Variants in CADPS2 observed in about 807,000 individuals in gnomAD.
CADPS2 encodes calcium dependent secretion activator 2.
In CADPS2, 93 loss-of-function variants were observed where a neutral mutation model predicts 172.5. The observed-to-expected ratio is 0.54, with a 90% CI of 0.46 to 0.64. CADPS2 has a LOEUF of 0.64. Among genes scored for constraint, CADPS2 ranks in the 30% least tolerant of loss-of-function variants. The pLI, the probability that CADPS2 is intolerant of heterozygous loss-of-function variation, is 0.00. For synonymous variants in CADPS2, 546 were observed against 555.2 expected, an observed-to-expected ratio of 0.98 and a Z score of 0.23; for missense variants, 1,420 against 1,565.9, an observed-to-expected ratio of 0.91 and a Z score of 1.57.
At chr7:122,882,938 T>A (rs1823328279) in intron 1 of CADPS2, among the ~76,000 whole-genome samples, 1 of 152,114 alleles carries the variant, frequency 6.6e-6, no homozygotes, top group African/African-American at 2.4e-5. Flanking sequence ...GTGTAGCACC[T>A]GGAAAGGCAC....
chr7:122,573,416 A>C (rs1253317978), intron 7 of CADPS2, among the ~76,000 whole-genome samples: 1 of 151,922 alleles, frequency 6.6e-6, no homozygotes, highest in Admixed American at 6.6e-5. Context: ...GGCATACAAC[A>C]GTAGTCCCAG....
intron 20 of CADPS2, among the ~76,000 whole-genome samples, chr7:122,402,999 G>A (rs2046157737): frequency 6.6e-6 from 1 of 152,172 alleles, no homozygotes; most frequent in Non-Finnish European, 1.5e-5. Context: ...GGTACTAAAA[G>A]AATAGAAGTT....
chr7:122,354,643 C>T (rs545835785), intron 27 of CADPS2, among the ~76,000 whole-genome samples: 91 of 152,088 alleles, frequency 6.0e-4, no homozygotes, highest in Middle Eastern at 3.4e-3. Context: ...TATTCCTATC[C>T]GCAAAGCTAA....
At chr7:122,625,403 A>G (rs940233538) in intron 4 of CADPS2, among the ~76,000 whole-genome samples, 1 of 152,216 alleles carries the variant, frequency 6.6e-6, no homozygotes, top group Non-Finnish European at 1.5e-5. Context: ...TTGTTGGATC[A>G]AACATGAATT....
In CADPS2 at chr7:122,355,576, T is replaced by C. The variant is rs372904731; in HGVS notation, c.3504+5212A>G. On this transcript the variant is annotated intron_variant, in intron 27 of 29. Coordinates refer to ENST00000449022, the MANE Select transcript of CADPS2 (RefSeq NM_017954.11). ...CAGCCTGGGGCACAGAGTGAGGCTGTCTTATTAAAAAAAAAAAAAAAATTC... is the reference window on the plus strand; with the variant it reads ...CAGCCTGGGGCACAGAGTGAGGCTGCCTTATTAAAAAAAAAAAAAAAATTC... Among the ~76,000 whole-genome samples the C allele has an allele frequency of 3.5e-3, 494 of 141,032 alleles. 1 individual carries two copies. Among genetic ancestry groups the C allele is most frequent in the African/African-American group, 0.013 (470 of 35,998 alleles). The allele number at this position is 141,032 out of a possible 152,430, so 92.5% of individuals were successfully genotyped here.
At chr7:122,370,014 C>T (rs560720329) in intron 25 of CADPS2, among the ~76,000 whole-genome samples, 1 of 152,210 alleles carries the variant, frequency 6.6e-6, no homozygotes, top group East Asian at 1.9e-4. Flanking sequence ...CTCACTTCTG[C>T]AGCCTTGTCT....
intron 1 of CADPS2, among the ~76,000 whole-genome samples, chr7:122,780,169 T>C (rs1792309601): frequency 6.6e-6 from 1 of 152,268 alleles, no homozygotes; most frequent in East Asian, 1.9e-4. Flanking sequence ...TAATTTTACA[T>C]AAAAATATAA....
At chr7:122,575,239 G>C (rs945615404) in intron 7 of CADPS2, among the ~76,000 whole-genome samples, 1 of 151,810 alleles carries the variant, frequency 6.6e-6, no homozygotes, top group African/African-American at 2.4e-5. Flanking sequence ...CAACAGCCCA[G>C]TGCAATGTAT....
chr7:122,417,307 C>A lies in CADPS2; in HGVS notation c.2477-1143G>T, dbSNP rs539490613. Among the ~76,000 whole-genome samples the A allele has an allele frequency of 7.6e-4, 116 of 152,224 alleles. 2 individuals carry two copies. The highest frequency in any genetic ancestry group is 2.7e-3 in the African/African-American group (112 of 41,518). On this transcript the variant is annotated intron_variant, in intron 17 of 29. Transcript: ENST00000449022. The stretch of plus-strand genomic sequence containing the variant: ...CAATGTACTGATGTGGGGTTCACAT[C>A]CCTCAACCCTCAAGCCATATACACT...
At chr7:122,552,393 C>T (rs1336392880) in intron 8 of CADPS2, among the ~76,000 whole-genome samples, 1 of 152,056 alleles carries the variant, frequency 6.6e-6, no homozygotes, top group Non-Finnish European at 1.5e-5. Flanking sequence ...TCAGTGAGTT[C>T]CTGAGCTTTA....
intron 3 of CADPS2, among the ~76,000 whole-genome samples, chr7:122,659,334 G>C (rs1446934650): frequency 7.2e-6 from 1 of 137,962 alleles, no homozygotes; most frequent in African/African-American, 2.7e-5. Flanking sequence ...AAACACCGTG[G>C]AAAAAAATGA....
Position 122,491,402 on chromosome 7 carries a change from C to T in CADPS2, c.1561G>A (p.Ala521Thr), listed in dbSNP as rs202022394. 1 of 1,607,478 alleles carries T rather than the reference C, an allele frequency of 6.2e-7. No homozygotes were observed. The highest frequency in any genetic ancestry group is 2.2e-5 in the East Asian group (1 of 44,524). The change falls in exon 10 of 30, where the codon GCT becomes ACT. Residue 521 changes from alanine to threonine, a missense_variant. Physicochemically the swap from Ala to Thr is moderately conservative, Grantham distance 58 (BLOSUM62 0). Transcript: ENST00000449022. Reference sequence around the variant, plus strand: ...TTCTTTTCTCTATAACTGCACATAGCAAAGGTATATTGGCTAACCTGCTCG... The same window carrying T: ...TTCTTTTCTCTATAACTGCACATAGTAAAGGTATATTGGCTAACCTGCTCG... ...VLVQVSQYTFAMCSYREKKSE... is the reference protein window; with the variant it reads ...VLVQVSQYTFTMCSYREKKSE...
chr7:122,421,400 T>G (rs1481060838), intron 17 of CADPS2, among the ~76,000 whole-genome samples: 1 of 152,214 alleles, frequency 6.6e-6, no homozygotes, highest in Non-Finnish European at 1.5e-5. Context: ...ACTGAAGGAC[T>G]ATGGAAATAA....
intron 25 of CADPS2, among the ~76,000 whole-genome samples, chr7:122,367,306 G>A (rs546860264): frequency 7.0e-4 from 106 of 152,170 alleles, no homozygotes; most frequent in African/African-American, 2.4e-3. Flanking sequence ...GAGAGAGAGA[G>A]AGAATGTATA....
intron 24 of CADPS2, 114 bp from the exon 25 acceptor site, chr7:122,379,556 C>A: frequency 2.9e-6 from 2 of 689,426 alleles, no homozygotes; most frequent in Non-Finnish European, 5.2e-6. Flanking sequence ...TTAAAATGAT[C>A]ATTTAGAACA....
chr7:122,581,341 C>T (rs1220181106), intron 6 of CADPS2, 51 bp from the exon 7 acceptor site: 1 of 1,453,518 alleles, frequency 6.9e-7, no homozygotes, highest in Non-Finnish European at 9.7e-7. Context: ...TATTTTTTTC[C>T]CCAAGGAGAT....
intron 1 of CADPS2, among the ~76,000 whole-genome samples, chr7:122,806,694 A>G (rs1338352390): frequency 6.6e-6 from 1 of 152,246 alleles, no homozygotes; most frequent in Non-Finnish European, 1.5e-5. Context: ...TGATGAAGTT[A>G]GTGCTAAGAA....
intron 1 of CADPS2, among the ~76,000 whole-genome samples, chr7:122,823,246 T>C (rs1803906629): frequency 6.6e-6 from 1 of 152,198 alleles, no homozygotes; most frequent in Non-Finnish European, 1.5e-5. Flanking sequence ...CTCATAGTAA[T>C]TTCTCAATTG....
chr7:122,383,191 T>C (rs958313337), intron 24 of CADPS2, among the ~76,000 whole-genome samples: 1 of 152,102 alleles, frequency 6.6e-6, no homozygotes, highest in Non-Finnish European at 1.5e-5. Flanking sequence ...GCCACATGGA[T>C]GCAGCTGGAG....
Sources: gnomAD v4.1 joint callset for allele counts (sites outside exome capture counted in the v4.1 genomes callset) on GRCh38, gnomAD v4.1.1 for gene constraint, MANE v1.5 for transcripts, NCBI Gene and HGNC (gene_info 2026-07-23, HGNC 2026-07-21) for gene names.